The following CLIC2 variants were observed in gnomAD, a reference collection of about 807,000 sequenced individuals.
The protein encoded by CLIC2 is CLIC family member 2, also known as chloride intracellular channel protein 2.
A neutral mutation model predicts 14.8 loss-of-function variants in CLIC2; 9 were observed. The ratio of observed to expected loss-of-function variants is 0.61; its 90% CI spans 0.37 to 1.06. The LOEUF (loss-of-function observed/expected upper bound fraction) is 1.06. Among genes scored for constraint, CLIC2 ranks in the 50% least tolerant of loss-of-function variants. The pLI is 0.01. For synonymous variants in CLIC2, 61 were observed against 66.3 expected (o/e 0.92, Z 0.39); for missense variants, 148 against 181.4 (o/e 0.82, Z 1.06).
chrX:155,278,546 G>A lies in CLIC2; in HGVS notation c.583-482C>T, dbSNP rs145648809. On this transcript the variant is annotated intron_variant, in intron 5 of 5. Transcript: ENST00000369449. ...AGGCACTGTTCTAAGCATTTTAAAT[G>A]CTTTAATTTATTTAATTCTCTTAAC... is the stretch of plus-strand genomic sequence containing the variant. Among the ~76,000 whole-genome samples, 794 of 112,311 alleles carry A rather than the reference G, an allele frequency of 7.1e-3. 6 individuals are homozygous for A. Among genetic ancestry groups the A allele is most frequent in the African/African-American group, 0.024 (754 of 30,942 alleles).
chrX:155,308,270 G>A (rs1435881307), intron 1 of CLIC2, among the ~76,000 whole-genome samples: 1 of 109,636 alleles, frequency 9.1e-6, no homozygotes, highest in African/African-American at 3.3e-5. Flanking sequence ...CTGACATACC[G>A]AAAAATGCAT....
chrX:155,305,789 A>G (rs782680542), intron 1 of CLIC2, among the ~76,000 whole-genome samples: 1 of 112,702 alleles, frequency 8.9e-6, no homozygotes, highest in East Asian at 2.8e-4. Flanking sequence ...TGTAATTTTA[A>G]AAACATGGAT....
chrX:155,328,328 G>A (rs193216297), intron 1 of CLIC2, among the ~76,000 whole-genome samples: 2 of 110,778 alleles, frequency 1.8e-5, no homozygotes, highest in Non-Finnish European at 3.8e-5. Flanking sequence ...CAAAATCAAC[G>A]TACAAAAATC....
At chrX:155,301,243 T>C (rs1239155164) in intron 1 of CLIC2, among the ~76,000 whole-genome samples, 2 of 104,433 alleles carry the variant, frequency 1.9e-5, no homozygotes, top group Non-Finnish European at 3.9e-5. Flanking sequence ...TTGTAACCTC[T>C]TTTATTTCCT....
chrX:155,292,082 T>G (rs1230376609), intron 3 of CLIC2: 1 of 564,190 alleles, frequency 1.8e-6, no homozygotes, highest in East Asian at 3.3e-5. Flanking sequence ...CTGTGAAACT[T>G]CAAGTCAAGA....
At position 155,322,221 on chromosome X, in the gene CLIC2, C is replaced by T. The variant is rs782057313; in HGVS notation, c.57+12150G>A. Among the ~76,000 whole-genome samples, 34 of 111,699 alleles carry T rather than the reference C, an allele frequency of 3.0e-4. 1 individual carries two copies. In the South Asian group the frequency reaches 3.4e-3, roughly 11 times the overall value. ...ACCAAGCAGACCGAATAGACATCTA[C>T]AGAACTCTCCACCCCAAATCAACAG... On this transcript the variant is annotated intron_variant, in intron 1 of 5. Transcript: ENST00000369449.
At chrX:155,320,148 G>A (rs1184917663) in intron 1 of CLIC2, among the ~76,000 whole-genome samples, 5 of 112,411 alleles carry the variant, frequency 4.4e-5, no homozygotes, top group African/African-American at 9.7e-5. Context: ...AGACTTAGAC[G>A]TTCCTGCCTA....
At chrX:155,293,401 G>A (rs1245055850) in intron 3 of CLIC2, 29 of 849,004 alleles carry the variant, frequency 3.4e-5, no homozygotes, top group Non-Finnish European at 5.1e-5. Flanking sequence ...CTCCCAGTGT[G>A]AGAATAGTGG....
chrX:155,298,157 C>A (rs1212919597), intron 3 of CLIC2, among the ~76,000 whole-genome samples: 3 of 110,581 alleles, frequency 2.7e-5, no homozygotes, highest in Non-Finnish European at 5.7e-5. Flanking sequence ...CTTTTTGATA[C>A]CCTGAGCAGA....
rs140786751 is a variant in CLIC2 at position 155,321,926 on chromosome X, G to A, written c.57+12445C>T. On this transcript the variant is annotated intron_variant, in intron 1 of 5. Coordinates refer to ENST00000369449, the MANE Select transcript of CLIC2 (RefSeq NM_001289.6). ...GGTTGCAATCCTAGTTCCTGATAAA[G>A]CAAAATTTAAACCAACAAAGATCAA... is the stretch of plus-strand genomic sequence containing the variant. Among the ~76,000 whole-genome samples, 901 of 110,663 alleles carry A rather than the reference G, an allele frequency of 8.1e-3. 9 individuals carry two copies. The highest frequency in any genetic ancestry group is 0.028 in the African/African-American group (858 of 30,456).
intron 1 of CLIC2, chrX:155,309,775 C>T (rs2075067687): frequency 8.5e-6 from 1 of 117,843 alleles, no homozygotes; most frequent in African/African-American, 3.3e-5. Context: ...GTCCCTCCCA[C>T]AACATGAGGG....
intron 1 of CLIC2, among the ~76,000 whole-genome samples, chrX:155,333,138 T>C (rs1557322996): frequency 8.9e-6 from 1 of 111,856 alleles, no homozygotes; most frequent in African/African-American, 3.2e-5. Flanking sequence ...GGTGTATATA[T>C]GTGACAAGCT....
At chrX:155,296,255 T>G (rs1488120256) in intron 3 of CLIC2, among the ~76,000 whole-genome samples, 1 of 111,735 alleles carries the variant, frequency 8.9e-6, no homozygotes. Flanking sequence ...ACAAGAACAT[T>G]GGGGAAAGGA....
intron 1 of CLIC2, among the ~76,000 whole-genome samples, chrX:155,306,501 T>C (rs1201754686): frequency 9.0e-6 from 1 of 111,685 alleles, no homozygotes; most frequent in Non-Finnish European, 1.9e-5. Context: ...TTTTATAGTA[T>C]TGCAAACACA....
At chrX:155,292,577 T>C (rs938424532) in intron 3 of CLIC2, 59 of 375,951 alleles carry the variant, frequency 1.6e-4, no homozygotes, top group East Asian at 6.3e-4. Context: ...GAGACCATCC[T>C]GGCTAACACG....
intron 1 of CLIC2, among the ~76,000 whole-genome samples, chrX:155,307,322 C>T (rs782023737): frequency 8.2e-5 from 9 of 110,192 alleles, no homozygotes; most frequent in Non-Finnish European, 1.1e-4. Flanking sequence ...TGAATGGGCA[C>T]GAAGAGGGCA....
chrX:155,319,209 T>A, intron 1 of CLIC2, among the ~76,000 whole-genome samples: 1 of 111,265 alleles, frequency 9.0e-6, no homozygotes, highest in East Asian at 2.8e-4. Context: ...GCTAAATAGA[T>A]GGGAATTAAT....
chrX:155,318,005 T>A (rs1439082761), intron 1 of CLIC2, among the ~76,000 whole-genome samples: 1 of 111,542 alleles, frequency 9.0e-6, no homozygotes, highest in Non-Finnish European at 1.9e-5. Flanking sequence ...AAATCCAGCA[T>A]CTCTTTATGA....
At chrX:155,308,605 G>C (rs782396085) in intron 1 of CLIC2, among the ~76,000 whole-genome samples, 28 of 111,582 alleles carry the variant, frequency 2.5e-4, no homozygotes, top group African/African-American at 8.5e-4. Flanking sequence ...GACTATCTCA[G>C]GGCATTTAAC....
Sources: gnomAD v4.1 joint callset for allele counts (sites outside exome capture counted in the v4.1 genomes callset) on GRCh38, gnomAD v4.1.1 for gene constraint, MANE v1.5 for transcripts, NCBI Gene and HGNC (gene_info 2026-07-23, HGNC 2026-07-21) for gene names.